PITRM1: variants seen among roughly 807,000 people sequenced by gnomAD.
PITRM1 encodes presequence protease, mitochondrial.
A neutral mutation model predicts 129.9 loss-of-function variants in PITRM1; 100 were observed. The observed-to-expected ratio is 0.77, with a 90% CI of 0.65 to 0.91. The LOEUF (loss-of-function observed/expected upper bound fraction) is 0.91, where lower values mean the gene tolerates loss of function less well. Among genes scored for constraint, PITRM1 ranks in the 40% least tolerant of loss-of-function variants. The probability of loss-of-function intolerance (pLI) is 0.00; values close to 1 mark genes in which losing one functional copy is unlikely to be tolerated. For synonymous variants in PITRM1, 591 were observed against 508.8 expected, an observed-to-expected ratio of 1.16 and a Z score of -2.17; for missense variants, 1,471 against 1,318.3, an observed-to-expected ratio of 1.12 and a Z score of -1.79.
chr10:3,145,852 G>A lies in PITRM1; in HGVS notation c.2337-136C>T, dbSNP rs551722074. 8.3e-5 allele frequency: 58 copies of A among 698,968 alleles called. No individual in the cohort carries two copies. In the South Asian group the frequency reaches 1.0e-3, roughly 12 times the overall value. 43.3% of individuals were successfully genotyped at this position (698,968 alleles called of 1,614,324 possible). A position where few individuals can be genotyped will look rare whatever the true frequency, so the allele number is the denominator to read the frequency against. On this transcript the variant is annotated intron_variant, in intron 20 of 26. Transcript: ENST00000224949. ...GAGTGTTAAACAGCAGCCAAATGTG[G>A]AAATGCCACGGCCGCCTCCCTGCTC...
chr10:3,172,664 C>T (rs1326574438), intron 1 of PITRM1, 53 bp downstream of exon 1: 1 of 1,498,704 alleles, frequency 6.7e-7, no homozygotes, highest in African/African-American at 1.4e-5. Flanking sequence ...CTGCCCTGGA[C>T]CCTCCCCTCC....
intron 15 of PITRM1, among the ~76,000 whole-genome samples, chr10:3,150,736 G>A (rs1433798019): frequency 6.6e-6 from 1 of 152,158 alleles, no homozygotes; most frequent in Admixed American, 6.5e-5. Context: ...AACAAAAGGT[G>A]CCATGGAATG....
chr10:3,139,496 G>A (rs1839966053), intron 24 of PITRM1, among the ~76,000 whole-genome samples: 1 of 151,874 alleles, frequency 6.6e-6, no homozygotes, highest in African/African-American at 2.4e-5. Context: ...TTCCCTTCGT[G>A]TAAATGCAAA....
Position 3,170,191 on chromosome 10 carries a change from T to C in PITRM1, c.72A>G (p.Arg24=). 2 of 1,613,576 alleles carry C rather than the reference T, an allele frequency of 1.2e-6. No homozygotes were observed. ...RRLSGGHAHH[R]AWRWNSNRAC... ...CCCGGTTACTGTTCCATCGCCACGC[T>C]CTGTGGTGTGCATGTCTAGATTAAA... Residue 24 remains arginine, a synonymous_variant, in exon 2 of 27, where the codon AGA becomes AGG. Coordinates refer to ENST00000224949, the MANE Select transcript of PITRM1 (RefSeq NM_014889.4).
At position 3,143,458 on chromosome 10, in the gene PITRM1, A is replaced by G. The variant is rs757700472; in HGVS notation, c.2576T>C (p.Met859Thr). 9 of 1,613,860 alleles carry G rather than the reference A, an allele frequency of 5.6e-6. No individual in the cohort carries two copies. Among genetic ancestry groups the G allele is most frequent in the Non-Finnish European group, 7.6e-6 (9 of 1,179,738 alleles). ...ACCCACGTAATTCACCGGGAAGGGC[A>G]TCAGGAAGTGAGTCTTCATCTGCCA... ...KPWQMKTHFL[M>T]PFPVNYVGEC... Residue 859 changes from methionine to threonine, a missense_variant, in exon 23 of 27, where the codon ATG becomes ACG. Coordinates refer to ENST00000224949, the MANE Select transcript of PITRM1 (RefSeq NM_014889.4).
rs1040707325 is a variant in PITRM1 at position 3,140,768 on chromosome 10, G to A, written c.2690C>T (p.Thr897Ile). Residue 897 changes from threonine (T) to isoleucine (I), a missense_variant, in exon 24 of 27, where the codon ACA (threonine) becomes ATA (isoleucine). Physicochemically the swap from Thr to Ile is moderately conservative, Grantham distance 89. Coordinates refer to ENST00000224949, the MANE Select transcript of PITRM1 (RefSeq NM_014889.4). ...AGCACCGCCTTTTTCTCGAATTTCT[G>A]TATGCAAGAATTTGGCAGTCATCAA... is the stretch of plus-strand genomic sequence containing the variant. Reference protein sequence around the residue: ...ARLMTAKFLHTEIREKGGAYG... With the variant: ...ARLMTAKFLHIEIREKGGAYG... 42 of 1,592,998 alleles carry A rather than the reference G, an allele frequency of 2.6e-5. No homozygotes were observed. The highest frequency in any genetic ancestry group is 5.1e-6 in the Non-Finnish European group (6 of 1,168,462).
chr10:3,153,112 A>G (rs1841664367), intron 14 of PITRM1, among the ~76,000 whole-genome samples: 1 of 152,236 alleles, frequency 6.6e-6, no homozygotes, highest in South Asian at 2.1e-4. Flanking sequence ...TACTGACCTG[A>G]AATAACCATT....
Position 3,137,872 on chromosome 10 carries a change from CTCTTAAGATAGA to C in PITRM1, c.*147_*158del, listed in dbSNP as rs1839693686. The C allele has an allele frequency of 3.3e-6, 2 of 602,814 alleles. No homozygotes were observed. The highest frequency in any genetic ancestry group is 3.0e-6 in the Non-Finnish European group (1 of 337,906). The allele number at this position is 602,814 out of a possible 1,614,324, so 37.3% of individuals were successfully genotyped here. On this transcript the variant is annotated 3_prime_UTR_variant, in exon 27 of 27. Coordinates refer to ENST00000224949, the MANE Select transcript of PITRM1 (RefSeq NM_014889.4). ...ATTTCAATGAACCTCTTCCTGGTCA[CTCTTAAGATAGA>C]TCTGAGTTTTTGACTCGCCAGTCAA...
intron 7 of PITRM1, among the ~76,000 whole-genome samples, chr10:3,160,792 C>T (rs1266213561): frequency 6.7e-6 from 1 of 149,536 alleles, no homozygotes; most frequent in Non-Finnish European, 1.5e-5. Flanking sequence ...TGGAGTCTCG[C>T]CCCGTCCCCC....
intron 7 of PITRM1, among the ~76,000 whole-genome samples, chr10:3,161,475 C>A (rs1842436000): frequency 6.6e-6 from 1 of 152,194 alleles, no homozygotes; most frequent in African/African-American, 2.4e-5. Context: ...ACAGAACCTT[C>A]AGAAATTTCT....
intron 3 of PITRM1, among the ~76,000 whole-genome samples, chr10:3,166,660 G>A (rs1046116607): frequency 6.6e-6 from 1 of 152,220 alleles, no homozygotes; most frequent in Non-Finnish European, 1.5e-5. Flanking sequence ...GTATAGCCAT[G>A]TTTTAAATCA....
rs192085127 is a variant in PITRM1 at position 3,165,406 on chromosome 10, G to A, written c.533+7C>T. 2.2e-4 allele frequency: 353 copies of A among 1,609,570 alleles called. 2 individuals are homozygous for A. Among genetic ancestry groups the A allele is most frequent in the Middle Eastern group, 3.3e-4 (2 of 6,058 alleles). Reference sequence around the variant, plus strand: ...CTGTATCAACTAGTTAATCATTCATGACATACCAGAAATCCAGCTCGCGTA... The same window carrying A: ...CTGTATCAACTAGTTAATCATTCATAACATACCAGAAATCCAGCTCGCGTA... On this transcript the variant is annotated splice_region_variant and intron_variant, in intron 5 of 26. Transcript: ENST00000224949.
At chr10:3,167,273 G>GA (rs200616903) in intron 2 of PITRM1, among the ~76,000 whole-genome samples, 6 of 120,778 alleles carry the variant, frequency 5.0e-5, no homozygotes, top group East Asian at 2.2e-4. Flanking sequence ...TGTGTGTATA[G>GA]AAAGAGAGAG....
chr10:3,145,549 T>C, intron 21 of PITRM1, 47 bp downstream of exon 21: 2 of 1,521,774 alleles, frequency 1.3e-6, no homozygotes, highest in Non-Finnish European at 1.8e-6. Context: ...AGAGCTGCTC[T>C]GGCACCCACC....
intron 2 of PITRM1, among the ~76,000 whole-genome samples, chr10:3,169,890 C>T (rs1843194547): frequency 6.6e-6 from 1 of 152,206 alleles, no homozygotes; most frequent in African/African-American, 2.4e-5. Flanking sequence ...CTCACAAGAA[C>T]CAGGCTTTGC....
Position 3,137,890 on chromosome 10 carries a change from G to A in PITRM1, c.*141C>T, listed in dbSNP as rs1839696804. 1.3e-5 allele frequency: 8 copies of A among 614,916 alleles called. No individual in the cohort carries two copies. In the South Asian group the frequency reaches 1.6e-4, roughly 12 times the overall value. The allele number at this position is 614,916 out of a possible 1,614,324, so 38.1% of individuals were successfully genotyped here. A position where few individuals can be genotyped will look rare whatever the true frequency, so the allele number is the denominator to read the frequency against. ...CTGGTCACTCTTAAGATAGATCTGAGTTTTTGACTCGCCAGTCAAGGGCTT... is the reference window on the plus strand; with the variant it reads ...CTGGTCACTCTTAAGATAGATCTGAATTTTTGACTCGCCAGTCAAGGGCTT... On this transcript the variant is annotated 3_prime_UTR_variant, in exon 27 of 27. Coordinates refer to ENST00000224949, the MANE Select transcript of PITRM1 (RefSeq NM_014889.4).
chr10:3,140,295 C>T (rs1299508598), intron 24 of PITRM1, among the ~76,000 whole-genome samples: 1 of 152,206 alleles, frequency 6.6e-6, no homozygotes, highest in Non-Finnish European at 1.5e-5. Flanking sequence ...GCTTTCATCC[C>T]ACTGCTTAGA....
In PITRM1 at chr10:3,156,967, G is replaced by T. The variant is rs771170704; in HGVS notation, c.1445C>A (p.Pro482Gln). The T allele has an allele frequency of 6.3e-7, 1 of 1,597,898 alleles. No individual in the cohort carries two copies. Among genetic ancestry groups the T allele is most frequent in the Non-Finnish European group, 8.5e-7 (1 of 1,174,218 alleles). The change falls in exon 13 of 27, where the codon CCA (proline) becomes CAA (glutamine). Residue 482 changes from proline (P) to glutamine (Q), a missense_variant. Transcript: ENST00000224949. ...AKFRQCLQEN[P>Q]KFLQEKVKQY... ...TTTTACTTTTTCTTGCAAAAATTTT[G>T]GATTTTCCTGCAGGCACTGTCTGAA...
intron 1 of PITRM1, chr10:3,172,195 C>T (rs1197573435): frequency 1.5e-5 from 7 of 456,726 alleles, no homozygotes; most frequent in Non-Finnish European, 3.1e-5. Flanking sequence ...ATATTAAACA[C>T]GGGCTCGTGG....
Sources: allele counts gnomAD v4.1 joint callset (sites outside exome capture counted in the v4.1 genomes callset), GRCh38; gene constraint gnomAD v4.1.1; transcripts MANE v1.5; gene names NCBI Gene and HGNC (gene_info 2026-07-23, HGNC 2026-07-21).